Variants in KLC2 observed in about 807,000 individuals in gnomAD.
KLC2 encodes the protein KLC 2.
Under a neutral mutation model 75.1 loss-of-function variants are expected in KLC2, and 35 were observed. The ratio of observed to expected loss-of-function variants is 0.47; its 90% CI spans 0.36 to 0.62. The LOEUF (loss-of-function observed/expected upper bound fraction) is 0.62, where lower values mean the gene tolerates loss of function less well. Among genes scored for constraint, KLC2 ranks in the 20% least tolerant of loss-of-function variants. The pLI, the probability that KLC2 is intolerant of heterozygous loss-of-function variation, is 0.00. For missense variants in KLC2, 611 were observed against 833.2 expected (o/e 0.73, Z 3.28); for synonymous variants, 314 against 336.7 (o/e 0.93, Z 0.74).
chr11:66,263,822 T>A, intron 6 of KLC2, 29 bp from the exon 7 acceptor site: 2 of 1,608,714 alleles, frequency 1.2e-6, no homozygotes, highest in Non-Finnish European at 1.7e-6. Context: ...AGGGCCTGAG[T>A]CAAGAAGCTT....
At chr11:66,264,521 C>T in intron 9 of KLC2, 77 bp downstream of exon 9, 2 of 1,074,768 alleles carry the variant, frequency 1.9e-6, no homozygotes, top group Non-Finnish European at 1.4e-6. Flanking sequence ...GGACAAATCC[C>T]TCAGCAGGGC....
intron 4 of KLC2, 110 bp from the exon 5 acceptor site, chr11:66,262,704 A>T: frequency 2.7e-6 from 2 of 741,082 alleles, no homozygotes; most frequent in Non-Finnish European, 4.6e-6. Context: ...AAGAGTGGTT[A>T]GTGACTTGCC....
the KLC2 span, among the ~76,000 whole-genome samples, chr11:66,250,872 C>G: frequency 6.6e-6 from 1 of 152,244 alleles, no homozygotes; most frequent in African/African-American, 2.4e-5. Context: ...GAGGAAGAGT[C>G]TAGGCCCTGA....
In KLC2 at chr11:66,267,600, C is replaced by T. The variant is rs980628042; in HGVS notation, c.*644C>T. ...CCCAGGACGGGGACCTCCCCTTAGT[C>T]CGTCCTCCCACCGCCGGGCCCTGCC... On this transcript the variant is annotated 3_prime_UTR_variant, in exon 16 of 16. Coordinates refer to ENST00000394067, the MANE Select transcript of KLC2 (RefSeq NM_001318734.2). 3.3e-6 allele frequency: 2 copies of T among 606,598 alleles called. No homozygotes were observed. The highest frequency in any genetic ancestry group is 5.9e-6 in the Non-Finnish European group (2 of 337,660). 37.6% of individuals were successfully genotyped at this position (606,598 alleles called of 1,614,324 possible). A position where few individuals can be genotyped will look rare whatever the true frequency, so the allele number is the denominator to read the frequency against.
chr11:66,266,946 T>A lies in KLC2; in HGVS notation c.1859T>A (p.Leu620Gln). The A allele has an allele frequency of 6.2e-7, 1 of 1,612,828 alleles. No individual in the cohort carries two copies. The highest frequency in any genetic ancestry group is 8.5e-7 in the Non-Finnish European group (1 of 1,179,986). ...ATGGACCTCTCCCGACGAAGCTCCC[T>A]GGTGGGCTAATGCTGAAGGGGCAGC... ...SSMDLSRRSS[L>Q]VG The change falls in exon 16 of 16, where the codon CTG becomes CAG. Residue 620 changes from leucine to glutamine, a missense_variant. By Grantham distance (113) the Leu-to-Gln change is moderately radical (BLOSUM62 -2). Transcript: ENST00000394067.
upstream of KLC2, chr11:66,257,377 C>G (rs1309279233): frequency 6.6e-6 from 1 of 152,290 alleles, no homozygotes; most frequent in Non-Finnish European, 1.5e-5. Context: ...GCGCGCAACA[C>G]GCAGTAGGCG....
At chr11:66,264,969 C>A in intron 9 of KLC2, 54 bp from the exon 10 acceptor site, 1 of 1,580,934 alleles carries the variant, frequency 6.3e-7, no homozygotes, top group Non-Finnish European at 8.7e-7. Context: ...GTGTCCAGCC[C>A]AACCAGGTGA....
Position 66,262,210 on chromosome 11 carries a change from T to C in KLC2, c.529+18T>C. The C allele has an allele frequency of 1.2e-6, 2 of 1,605,212 alleles. No homozygotes were observed. Among genetic ancestry groups the C allele is most frequent in the Non-Finnish European group, 1.7e-6 (2 of 1,172,644 alleles). ...GAGCCCAGGTGCGGATGGGCAGTTCTGGAGTGGGGGAAGGAAAGGTTGTGT... is the reference window on the plus strand; with the variant it reads ...GAGCCCAGGTGCGGATGGGCAGTTCCGGAGTGGGGGAAGGAAAGGTTGTGT... On this transcript the variant is annotated intron_variant, in intron 4 of 15. Coordinates refer to ENST00000394067, the MANE Select transcript of KLC2 (RefSeq NM_001318734.2).
chr11:66,267,520 T>C lies in KLC2; in HGVS notation c.*564T>C. ...CTCCCAAGGGGGTCCTGGGACCTTC[T>C]CGCGCTCCTCCTGGCCTCTGAGGGA... is the stretch of plus-strand genomic sequence containing the variant. On this transcript the variant is annotated 3_prime_UTR_variant, in exon 16 of 16. Transcript: ENST00000394067. The C allele has an allele frequency of 1.5e-6, 1 of 670,336 alleles. No individual in the cohort carries two copies. Among genetic ancestry groups the C allele is most frequent in the Non-Finnish European group, 2.8e-6 (1 of 359,426 alleles). The allele number at this position is 670,336 out of a possible 1,614,324, so 41.5% of individuals were successfully genotyped here.
At chr11:66,260,577 G>A (rs1053193971) in intron 2 of KLC2, among the ~76,000 whole-genome samples, 1 of 152,034 alleles carries the variant, frequency 6.6e-6, no homozygotes, top group Non-Finnish European at 1.5e-5. Flanking sequence ...GACTTCATGA[G>A]ACCCTGTATC....
At chr11:66,265,595 G>A (rs1856766522) in intron 11 of KLC2, 60 bp from the exon 12 acceptor site, 1 of 1,380,378 alleles carries the variant, frequency 7.2e-7, no homozygotes, top group South Asian at 1.3e-5. Flanking sequence ...CTGTGGGCTG[G>A]GTGCCAGGAT....
At chr11:66,250,961 G>A in the KLC2 span, among the ~76,000 whole-genome samples, 1 of 152,218 alleles carries the variant, frequency 6.6e-6, no homozygotes, top group Non-Finnish European at 1.5e-5. Context: ...CAGGGGAGCT[G>A]GCGAAGGGAC....
chr11:66,252,346 C>T (rs974312271), upstream of KLC2, among the ~76,000 whole-genome samples: 67 of 152,246 alleles, frequency 4.4e-4, no homozygotes, highest in Non-Finnish European at 7.6e-4. Flanking sequence ...AGTGCAGTGG[C>T]GCGATCTCGG....
chr11:66,263,104 G>A (rs1444084989), intron 5 of KLC2, 68 bp downstream of exon 5: 21 of 1,207,948 alleles, frequency 1.7e-5, no homozygotes, highest in Admixed American at 3.9e-5. Context: ...AACCCTTGGT[G>A]CCTGCTGTGG....
chr11:66,265,913 G>T lies in KLC2; in HGVS notation c.1503G>T (p.Arg501Ser), dbSNP rs1174752771. 1 of 1,583,110 alleles carries T rather than the reference G, an allele frequency of 6.3e-7. No individual in the cohort carries two copies. The highest frequency in any genetic ancestry group is 2.2e-5 in the East Asian group (1 of 44,466). The change falls in exon 13 of 16, where the codon AGG becomes AGT. Residue 501 changes from arginine (R) to serine (S), a missense_variant. Arg to Ser is a moderately radical substitution (Grantham distance 110, BLOSUM62 -1). Transcript: ENST00000394067. Reference protein sequence around the residue: ...VVELLKDGSGRRGDRRSSRDM... With the variant: ...VVELLKDGSGSRGDRRSSRDM... The stretch of plus-strand genomic sequence containing the variant: ...AACTGCTGAAAGATGGCAGTGGCAG[G>T]CGGGGAGACCGCCGCAGCAGCCGAG...
intron 4 of KLC2, 124 bp downstream of exon 4, chr11:66,262,316 G>A: frequency 1.3e-6 from 1 of 748,112 alleles, no homozygotes; most frequent in Non-Finnish European, 2.3e-6. Context: ...GTGTGTTAGA[G>A]CTTCAAGAAC....
upstream of KLC2, among the ~76,000 whole-genome samples, chr11:66,255,080 T>G (rs542874605): frequency 6.6e-6 from 1 of 152,326 alleles, no homozygotes; most frequent in East Asian, 1.9e-4. Flanking sequence ...ATATTCTGTT[T>G]CCTCCCTGTG....
chr11:66,260,682 T>C (rs1856337745), intron 2 of KLC2, among the ~76,000 whole-genome samples: 1 of 152,130 alleles, frequency 6.6e-6, no homozygotes, highest in Admixed American at 6.5e-5. Flanking sequence ...CTGCAGCCTC[T>C]GCCTCTCAGG....
At position 66,258,790 on chromosome 11, in the gene KLC2, G is replaced by A. The variant is rs1856189286; in HGVS notation, c.196G>A (p.Glu66Lys). ...CTGCATCCTCCTGCGTCGCTCCCTG[G>A]AAGCCATTGAGCTTGGGCTGGGGGA... ...ERCILLRRSL[E>K]AIELGLGEAQ... The change falls in exon 2 of 16, where the codon GAA becomes AAA. Residue 66 changes from glutamate to lysine, a missense_variant. Glu to Lys is a moderately conservative substitution (Grantham distance 56). Transcript: ENST00000394067. 14 of 1,612,800 alleles carry A rather than the reference G, an allele frequency of 8.7e-6. No homozygotes were observed. The highest frequency in any genetic ancestry group is 1.2e-5 in the Non-Finnish European group (14 of 1,179,690).
Sources: gnomAD v4.1 joint callset for allele counts (sites outside exome capture counted in the v4.1 genomes callset) on GRCh38, gnomAD v4.1.1 for gene constraint, MANE v1.5 for transcripts, NCBI Gene and HGNC (gene_info 2026-07-23, HGNC 2026-07-21) for gene names.